The following GRID1 variants were observed in gnomAD, a reference collection of about 807,000 sequenced individuals.
GRID1 encodes glutamate ionotropic receptor delta type subunit 1, also known as glutamate receptor ionotropic, delta-1.
GRID1 carries 28 observed loss-of-function variants against 98.0 expected under a neutral mutation model. That is an observed-to-expected ratio of 0.29 (90% CI 0.21 to 0.39). The LOEUF (loss-of-function observed/expected upper bound fraction) is 0.39. GRID1 is among the 10% of genes least tolerant of loss of function. GRID1 has a pLI of 1.00. For missense variants in GRID1, 1,111 were observed against 1,340.5 expected (o/e 0.83, Z 2.67); for synonymous variants, 553 against 538.5 (o/e 1.03, Z -0.37).
In GRID1 at chr10:86,206,508, T is replaced by C. The variant is rs1310808632; in HGVS notation, c.376A>G (p.Thr126Ala). The C allele has an allele frequency of 1.2e-6, 2 of 1,614,024 alleles. No individual in the cohort carries two copies. Among genetic ancestry groups the C allele is most frequent in the East Asian group, 2.2e-5 (1 of 44,892 alleles). ...GGGCTGGGGTTCAGGTGGCATGCGG[T>C]GCGTGGCGACCCTCCCGGGTTGCGC... ...VQRNPGGSPR[T>A]ACHLNPSPDG... is the part of the protein sequence containing the mutation. The change falls in exon 3 of 16, where the codon ACC becomes GCC. Residue 126 changes from threonine to alanine, a missense_variant. Physicochemically the swap from Thr to Ala is moderately conservative, Grantham distance 58. Transcript: ENST00000327946. The surrounding 1 kb of genome is among the most constrained non-coding windows in gnomAD (Gnocchi z 4.1).
At chr10:86,168,667 G>A (rs1360497348) in intron 3 of GRID1, among the ~76,000 whole-genome samples, 1 of 152,150 alleles carries the variant, frequency 6.6e-6, no homozygotes, top group Non-Finnish European at 1.5e-5. Flanking sequence ...GCAGAGCGGT[G>A]AGTAAGGCTG....
Position 86,267,283 on chromosome 10 carries a change from T to C in GRID1, c.236-60635A>G, listed in dbSNP as rs541673937. On this transcript the variant is annotated intron_variant, in intron 2 of 15. Coordinates refer to ENST00000327946, the MANE Select transcript of GRID1 (RefSeq NM_017551.3). ...GTAGCCATCAATGGGCAGAGCCACA[T>C]TCAAACCCAAATCTGTGCAAACTCA... 1.1e-4 allele frequency among the ~76,000 whole-genome samples: 16 copies of C among 152,366 alleles called. 1 individual carries two copies. The South Asian group carries it at 1.5e-3, about 14-fold the overall frequency.
At chr10:85,865,978 GAGAGAGA>G (rs1843217165) in intron 6 of GRID1, among the ~76,000 whole-genome samples, 1 of 138,140 alleles carries the variant, frequency 7.2e-6, no homozygotes, top group African/African-American at 2.7e-5. Flanking sequence ...GAGAGAGAGA[GAGAGAGA>G]GAGAGAGAGA....
At chr10:85,815,973 T>C (rs1331591769) in intron 8 of GRID1, among the ~76,000 whole-genome samples, 3 of 151,998 alleles carry the variant, frequency 2.0e-5, no homozygotes, top group Non-Finnish European at 4.4e-5. Context: ...ATATATTTAT[T>C]AGAATGGCTA....
At chr10:85,952,299 C>T (rs758952262) in intron 4 of GRID1, among the ~76,000 whole-genome samples, 4 of 152,180 alleles carry the variant, frequency 2.6e-5, no homozygotes, top group African/African-American at 4.8e-5. Flanking sequence ...CTAGAACAGG[C>T]TAAATCTTCA....
At chr10:85,889,898 C>T (rs1841170439) in intron 5 of GRID1, among the ~76,000 whole-genome samples, 1 of 152,060 alleles carries the variant, frequency 6.6e-6, no homozygotes, top group East Asian at 1.9e-4. Flanking sequence ...GGTGTCATCT[C>T]ATTGTGTTCT....
chr10:86,030,168 G>T (rs955459655), intron 4 of GRID1, among the ~76,000 whole-genome samples: 1 of 152,156 alleles, frequency 6.6e-6, no homozygotes, highest in African/African-American at 2.4e-5. Flanking sequence ...ATCACACCCT[G>T]GCTATGTAAA....
intron 2 of GRID1, among the ~76,000 whole-genome samples, chr10:86,341,529 G>A (rs1848310576): frequency 6.6e-6 from 1 of 152,210 alleles, no homozygotes; most frequent in Non-Finnish European, 1.5e-5. Flanking sequence ...CCCGGCCACG[G>A]CTTTCCCTCA....
At chr10:85,730,793 T>C (rs1489561067) in intron 8 of GRID1, among the ~76,000 whole-genome samples, 1 of 152,092 alleles carries the variant, frequency 6.6e-6, no homozygotes, top group African/African-American at 2.4e-5. Context: ...CACCCAGGGA[T>C]TTTGTATGCA....
chr10:85,957,763 C>A (rs923767359), intron 4 of GRID1, among the ~76,000 whole-genome samples: 1 of 152,186 alleles, frequency 6.6e-6, no homozygotes, highest in Non-Finnish European at 1.5e-5. Context: ...GGTCAGCAGC[C>A]ACCCATTCCC....
At position 85,990,170 on chromosome 10, in the gene GRID1, A is replaced by T. The variant is rs539043825; in HGVS notation, c.727-73931T>A. 4.3e-4 allele frequency among the ~76,000 whole-genome samples: 66 copies of T among 152,284 alleles called. No individual in the cohort carries two copies. In the South Asian group the frequency reaches 0.014, roughly 32 times the overall value. On this transcript the variant is annotated intron_variant, in intron 4 of 15. Coordinates refer to ENST00000327946, the MANE Select transcript of GRID1 (RefSeq NM_017551.3). ...CCTTTGCAAATTATTCAAAAACATG[A>T]CCTGTTGATCACATTGCCTTAGAAG...
intron 3 of GRID1, among the ~76,000 whole-genome samples, chr10:86,185,673 T>A (rs1197579349): frequency 6.6e-6 from 1 of 152,214 alleles, no homozygotes; most frequent in African/African-American, 2.4e-5. Context: ...AGTTTTAACA[T>A]AACTGAATGT....
rs370241495 is a variant in GRID1 at position 85,901,226 on chromosome 10, AT to A, written c.780+14959del. ...TTTATTTATTCATTTATTTTATTTT[AT>A]TTTATTTATTTATTTATTTATTTAT... On this transcript the variant is annotated intron_variant, in intron 5 of 15. Transcript: ENST00000327946. Among the ~76,000 whole-genome samples the A allele has an allele frequency of 1.1e-3, 145 of 135,714 alleles. 1 individual carries two copies. Among genetic ancestry groups the A allele is most frequent in the African/African-American group, 3.8e-3 (130 of 33,994 alleles). 89.0% of individuals were successfully genotyped at this position (135,714 alleles called of 152,430 possible).
chr10:86,027,434 C>A (rs1214076385), intron 4 of GRID1, among the ~76,000 whole-genome samples: 1 of 152,204 alleles, frequency 6.6e-6, no homozygotes, highest in Non-Finnish European at 1.5e-5. Flanking sequence ...AACTGCATTC[C>A]TTCTCACGGC....
At position 85,752,188 on chromosome 10, in the gene GRID1, G is replaced by A. The variant is rs868034417; in HGVS notation, c.1234-22574C>T. On this transcript the variant is annotated intron_variant, in intron 8 of 15. Coordinates refer to ENST00000327946, the MANE Select transcript of GRID1 (RefSeq NM_017551.3). Reference sequence around the variant, plus strand: ...CTCCGGCCCTTTATGAGTTAGAATTGGTGGGAAACACATCCCAGAGCTGGC... The same window carrying A: ...CTCCGGCCCTTTATGAGTTAGAATTAGTGGGAAACACATCCCAGAGCTGGC... Among the ~76,000 whole-genome samples, 3 of 152,182 alleles carry A rather than the reference G, an allele frequency of 2.0e-5. No homozygotes were observed. The East Asian group carries it at 5.8e-4, about 29-fold the overall frequency.
chr10:86,030,876 A>G (rs1484947315), intron 4 of GRID1, among the ~76,000 whole-genome samples: 1 of 152,192 alleles, frequency 6.6e-6, no homozygotes, highest in Non-Finnish European at 1.5e-5. Context: ...GCAGGAACTA[A>G]GGACTAGACA....
At chr10:85,933,823 G>A (rs1006603021) in intron 4 of GRID1, among the ~76,000 whole-genome samples, 2 of 152,186 alleles carry the variant, frequency 1.3e-5, no homozygotes, top group African/African-American at 4.8e-5. Flanking sequence ...CCTCGGGATT[G>A]ACATTATATC....
rs904106865 is a variant in GRID1 at position 86,284,519 on chromosome 10, A to C, written c.236-77871T>G. On this transcript the variant is annotated intron_variant, in intron 2 of 15. Coordinates refer to ENST00000327946, the MANE Select transcript of GRID1 (RefSeq NM_017551.3). ...GACACACCCACTTCCACCACTGCTG[A>C]GCTGGGGGCTGCCCTACCACTGCGG... Among the ~76,000 whole-genome samples, 4 of 152,336 alleles carry C rather than the reference A, an allele frequency of 2.6e-5. No individual in the cohort carries two copies. In the South Asian group the frequency reaches 8.3e-4, roughly 32 times the overall value.
In GRID1 at chr10:86,039,029, A is replaced by G. The variant is rs373834441; in HGVS notation, c.726+99790T>C. Among the ~76,000 whole-genome samples, 26 of 152,240 alleles carry G rather than the reference A, an allele frequency of 1.7e-4. 1 individual carries two copies. The highest frequency in any genetic ancestry group is 5.8e-4 in the East Asian group (3 of 5,166). On this transcript the variant is annotated intron_variant, in intron 4 of 15. Transcript: ENST00000327946. The stretch of plus-strand genomic sequence containing the variant: ...TCCACCCCTATTCTCTTCCACCTCT[A>G]CGGTATATCCCTACCACCACTTCTT...
Sources: allele counts gnomAD v4.1 joint callset (sites outside exome capture counted in the v4.1 genomes callset), GRCh38; gene constraint gnomAD v4.1.1; non-coding constraint Gnocchi (gnomAD v3.1); transcripts MANE v1.5; gene names NCBI Gene and HGNC (gene_info 2026-07-23, HGNC 2026-07-21).